Variants in PCDHGA8 observed in about 807,000 individuals in gnomAD.
PCDHGA8 encodes the protein protocadherin gamma subfamily A, 8, also known as protocadherin gamma-A8.
PCDHGA8 carries 45 observed loss-of-function variants against 59.2 expected under a neutral mutation model. That is an observed-to-expected ratio of 0.76 (90% CI 0.60 to 0.98). The LOEUF is 0.98. Ranked by LOEUF, PCDHGA8 falls within the 50% of genes least tolerant of loss-of-function variation. The probability of loss-of-function intolerance (pLI) is 0.00; values close to 1 mark genes in which losing one functional copy is unlikely to be tolerated. For missense variants in PCDHGA8, 1,257 were observed against 1,196.2 expected (o/e 1.05, Z -0.75); for synonymous variants, 531 against 519.0 (o/e 1.02, Z -0.32).
At chr5:141,454,313 G>A (rs986902404) in intron 1 of PCDHGA8, among the ~76,000 whole-genome samples, 1 of 152,296 alleles carries the variant, frequency 6.6e-6, no homozygotes, top group Non-Finnish European at 1.5e-5. Context: ...TCAAAGCATT[G>A]AAACCTCCAA....
At chr5:141,400,242 G>A (rs757952126) in intron 1 of PCDHGA8, 14 of 1,613,894 alleles carry the variant, frequency 8.7e-6, no homozygotes, top group Middle Eastern at 1.6e-4. Context: ...CCGTGATTCT[G>A]GCCGTTGCCT....
At chr5:141,423,102 C>T (rs778561065) in intron 1 of PCDHGA8, 7 of 1,613,920 alleles carry the variant, frequency 4.3e-6, no homozygotes, top group Non-Finnish European at 4.2e-6. Context: ...AGCACACGGG[C>T]GAGGTGCGTA....
chr5:141,413,262 G>A (rs2095621152), intron 1 of PCDHGA8: 2 of 1,613,960 alleles, frequency 1.2e-6, no homozygotes, highest in South Asian at 1.1e-5. Context: ...TTCCATGGGA[G>A]GCTGGAGCCC....
chr5:141,443,018 A>G (rs2098358800), intron 1 of PCDHGA8, among the ~76,000 whole-genome samples: 1 of 152,208 alleles, frequency 6.6e-6, no homozygotes, highest in Admixed American at 6.5e-5. Flanking sequence ...TGACTAATGG[A>G]AGTTGCCAGA....
At position 141,424,003 on chromosome 5, in the gene PCDHGA8, T is replaced by C. The variant is rs150506228; in HGVS notation, c.2424+28766T>C. 5.3e-3 allele frequency: 5,614 copies of C among 1,067,752 alleles called. 27 individuals carry two copies. The highest frequency in any genetic ancestry group is 0.01 in the Admixed American group (195 of 19,092). 66.1% of individuals were successfully genotyped at this position (1,067,752 alleles called of 1,614,324 possible). A position where few individuals can be genotyped will look rare whatever the true frequency, so the allele number is the denominator to read the frequency against. ...AGGCTCTCAATTTATTATATATAGA[T>C]ACAAATTAATGATTCACAAACACTT... On this transcript the variant is annotated intron_variant, in intron 1 of 3. Transcript: ENST00000398604.
At chr5:141,430,902 T>C (rs373775073) in intron 1 of PCDHGA8, 4 of 1,606,232 alleles carry the variant, frequency 2.5e-6, no homozygotes, top group Admixed American at 3.4e-5. Context: ...GTGGGCGACA[T>C]CTCCAGGGAC....
At position 141,511,542 on chromosome 5, in the gene PCDHGA8, A is replaced by C; in HGVS notation, c.*369A>C. The stretch of plus-strand genomic sequence containing the variant: ...CCCATGCCTCCCTCCTCCCCACCCC[A>C]CTCCAACAGTTCCTCTTTCCCGAGT... On this transcript the variant is annotated 3_prime_UTR_variant, in exon 4 of 4. Coordinates refer to ENST00000398604, the MANE Select transcript of PCDHGA8 (RefSeq NM_032088.2). 6.6e-6 allele frequency: 2 copies of C among 302,184 alleles called. No homozygotes were observed. The highest frequency in any genetic ancestry group is 3.7e-5 in the South Asian group (1 of 26,678). The allele number at this position is 302,184 out of a possible 1,614,324, so 18.7% of individuals were successfully genotyped here. A position where few individuals can be genotyped will look rare whatever the true frequency, so the allele number is the denominator to read the frequency against.
intron 1 of PCDHGA8, chr5:141,399,203 G>A: frequency 6.2e-7 from 1 of 1,613,940 alleles, no homozygotes. Flanking sequence ...GCGGTGCCTG[G>A]AACACTAATT....
chr5:141,472,230 C>T (rs1274096264), intron 1 of PCDHGA8, among the ~76,000 whole-genome samples: 1 of 152,116 alleles, frequency 6.6e-6, no homozygotes, highest in Non-Finnish European at 1.5e-5. Flanking sequence ...TCATATAATA[C>T]ATTCACTTTC....
intron 1 of PCDHGA8, chr5:141,428,236 G>A (rs1474911413): frequency 9.7e-7 from 1 of 1,026,978 alleles, no homozygotes; most frequent in Admixed American, 1.9e-5. Context: ...CAGCCTGCAG[G>A]AGGCACTGCC....
rs934206266 is a variant in PCDHGA8, at chr5:141,483,131, G to A, written c.2425-11676G>A. Among the ~76,000 whole-genome samples, 14 of 152,274 alleles carry A rather than the reference G, an allele frequency of 9.2e-5. No individual in the cohort carries two copies. The South Asian group carries it at 2.9e-3, about 32-fold the overall frequency. On this transcript the variant is annotated intron_variant, in intron 1 of 3. Transcript: ENST00000398604. ...AACAGACAGTCTTTGTAGGAGATGA[G>A]GTGAAGCAAGTAGGCAGGAGTTAGA...
chr5:141,456,312 GCTC>G (rs2098849548), intron 1 of PCDHGA8, among the ~76,000 whole-genome samples: 1 of 152,126 alleles, frequency 6.6e-6, no homozygotes, highest in Admixed American at 6.6e-5. Context: ...AGCAGCTAGG[GCTC>G]CTCCTGGGGT....
chr5:141,428,536 A>G (rs981530261), intron 1 of PCDHGA8: 1 of 273,778 alleles, frequency 3.7e-6, no homozygotes, highest in Non-Finnish European at 7.2e-6. Flanking sequence ...TTTTCTCACC[A>G]TGACACCAGA....
At chr5:141,441,710 G>A (rs2098266791) in intron 1 of PCDHGA8, 1 of 322,162 alleles carries the variant, frequency 3.1e-6, no homozygotes, top group Non-Finnish European at 6.1e-6. Context: ...TCAAGCTCAC[G>A]CTGCAGGCCC....
At position 141,431,738 on chromosome 5, in the gene PCDHGA8, TA is replaced by T; in HGVS notation, c.2424+36502del. ...AGTGCAAGCAATGGATAATGCAGGA[TA>T]TTCTGCGCGAGCCAAAGTCCTGATC... On this transcript the variant is annotated intron_variant, in intron 1 of 3. Coordinates refer to ENST00000398604, the MANE Select transcript of PCDHGA8 (RefSeq NM_032088.2). The surrounding 1 kb of genome is among the most constrained non-coding windows in gnomAD (Gnocchi z 4.8). The T allele has an allele frequency of 6.2e-7, 1 of 1,614,234 alleles. No individual in the cohort carries two copies. Among genetic ancestry groups the T allele is most frequent in the South Asian group, 1.1e-5 (1 of 91,092 alleles).
At position 141,408,836 on chromosome 5, in the gene PCDHGA8, T is replaced by C. The variant is rs772595834; in HGVS notation, c.2424+13599T>C. The C allele has an allele frequency of 5.0e-6, 8 of 1,613,680 alleles. No individual in the cohort carries two copies. In the South Asian group the frequency reaches 6.6e-5, roughly 13 times the overall value. ...AGAACAGAGATCTCATAGCTTGATA[T>C]TGACTGCCTTGGACGGAGGGGACCC... On this transcript the variant is annotated intron_variant, in intron 1 of 3. Transcript: ENST00000398604.
intron 1 of PCDHGA8, chr5:141,405,445 A>G: frequency 7.3e-7 from 1 of 1,360,898 alleles, no homozygotes; most frequent in Non-Finnish European, 1.0e-6. Context: ...TTTGAGACAG[A>G]GTCTTACTCT....
At chr5:141,419,934 T>C (rs1427601115) in intron 1 of PCDHGA8, 3 of 1,613,952 alleles carry the variant, frequency 1.9e-6, no homozygotes, top group Non-Finnish European at 2.5e-6. Flanking sequence ...CAGTTTTACC[T>C]GGTGGTGGCC....
rs34752215 is a variant in PCDHGA8 at position 141,427,657 on chromosome 5, A to C, written c.2424+32420A>C. The C allele has an allele frequency of 1.4e-3, 1,030 of 734,210 alleles. 5 individuals carry two copies. Among genetic ancestry groups the C allele is most frequent in the Middle Eastern group, 5.7e-3 (25 of 4,398 alleles). The allele number at this position is 734,210 out of a possible 1,614,324, so 45.5% of individuals were successfully genotyped here. On this transcript the variant is annotated intron_variant, in intron 1 of 3. Coordinates refer to ENST00000398604, the MANE Select transcript of PCDHGA8 (RefSeq NM_032088.2). The stretch of plus-strand genomic sequence containing the variant: ...TTCCACCAAGTCTCCTACGTGGTCC[A>C]CGTGGCCGAAAACAACCTTCCCGGA...
Sources: allele counts gnomAD v4.1 joint callset (sites outside exome capture counted in the v4.1 genomes callset), GRCh38; gene constraint gnomAD v4.1.1; non-coding constraint Gnocchi (gnomAD v3.1); transcripts MANE v1.5; gene names NCBI Gene and HGNC (gene_info 2026-07-23, HGNC 2026-07-21).